The following CDH13 variants were observed in gnomAD, a reference collection of about 807,000 sequenced individuals.
CDH13 encodes the protein cadherin-13.
In CDH13, 24 loss-of-function variants were observed where a neutral mutation model predicts 63.8. The observed-to-expected ratio is 0.38, with a 90% confidence interval of 0.27 to 0.53. CDH13 has a LOEUF of 0.53. Among genes scored for constraint, CDH13 ranks in the 20% least tolerant of loss-of-function variants. The pLI is 0.85. For synonymous variants in CDH13, 503 were observed against 355.3 expected (o/e 1.42, Z -4.67); for missense variants, 1,049 against 903.1 (o/e 1.16, Z -2.07).
At chr16:83,542,108 C>G (rs927346399) in intron 7 of CDH13, among the ~76,000 whole-genome samples, 2 of 152,208 alleles carry the variant, frequency 1.3e-5, no homozygotes, top group African/African-American at 4.8e-5. Context: ...AGGCCTCATG[C>G]TAGTCTTATT....
At chr16:83,598,249 CA>C (rs969265275) in intron 7 of CDH13, among the ~76,000 whole-genome samples, 3 of 152,020 alleles carry the variant, frequency 2.0e-5, no homozygotes, top group African/African-American at 7.2e-5. Flanking sequence ...ATTATAGTCC[CA>C]GCTACTCAGG....
intron 3 of CDH13, among the ~76,000 whole-genome samples, chr16:83,104,510 A>G (rs192230327): frequency 6.6e-6 from 1 of 151,832 alleles, no homozygotes; most frequent in Non-Finnish European, 1.5e-5. Context: ...TTGTTTAAGT[A>G]GGTTAAGGCA....
chr16:83,478,836 G>GAAAA (rs374669824), intron 6 of CDH13, among the ~76,000 whole-genome samples: 1 of 112,316 alleles, frequency 8.9e-6, no homozygotes, highest in Non-Finnish European at 1.8e-5. Flanking sequence ...TTGAAGATGA[G>GAAAA]AAAAAAAAAA....
At chr16:83,453,954 C>T (rs929253186) in intron 6 of CDH13, among the ~76,000 whole-genome samples, 3 of 152,198 alleles carry the variant, frequency 2.0e-5, no homozygotes, top group African/African-American at 7.2e-5. Flanking sequence ...CCTTCCCAAG[C>T]AGGGTGTGCA....
At chr16:82,885,439 C>G (rs1567629707) in intron 2 of CDH13, among the ~76,000 whole-genome samples, 1 of 92,682 alleles carries the variant, frequency 1.1e-5, no homozygotes, top group Non-Finnish European at 2.1e-5. Flanking sequence ...TCCCACCCCC[C>G]CACCCACTCA....
At chr16:83,543,595 G>A (rs977728006) in intron 7 of CDH13, among the ~76,000 whole-genome samples, 22 of 152,180 alleles carry the variant, frequency 1.4e-4, no homozygotes, top group Non-Finnish European at 2.5e-4. Flanking sequence ...ATATATCACT[G>A]TTAATTTTCA....
At position 83,567,745 on chromosome 16, in the gene CDH13, G is replaced by A. The variant is rs549181934; in HGVS notation, c.961-34709G>A. Among the ~76,000 whole-genome samples, 56 of 152,136 alleles carry A rather than the reference G, an allele frequency of 3.7e-4. No homozygotes were observed. In the South Asian group the frequency reaches 6.4e-3, roughly 17 times the overall value. ...TGAATAGCTGGCACTACAGGCGCCC[G>A]CCACCACGCCCGGCTAATTTTTTGT... is the stretch of plus-strand genomic sequence containing the variant. On this transcript the variant is annotated intron_variant, in intron 7 of 13. Coordinates refer to ENST00000567109, the MANE Select transcript of CDH13 (RefSeq NM_001257.5).
chr16:83,350,255 G>A (rs12924773), intron 6 of CDH13, among the ~76,000 whole-genome samples: 62,919 of 152,108 alleles, frequency 0.41, 15,688 homozygotes, highest in East Asian at 0.76. Flanking sequence ...GGCAGCCAGG[G>A]CAGCTGGGAG....
intron 1 of CDH13, among the ~76,000 whole-genome samples, chr16:82,813,237 G>C (rs1311486395): frequency 6.6e-6 from 1 of 150,676 alleles, no homozygotes; most frequent in Non-Finnish European, 1.5e-5. Context: ...AAGGGCTCTG[G>C]ACAATAAAAA....
chr16:82,828,355 C>T (rs148971444), intron 1 of CDH13, among the ~76,000 whole-genome samples: 12 of 152,244 alleles, frequency 7.9e-5, no homozygotes, highest in Admixed American at 1.3e-4. Context: ...TGGTGGCTCA[C>T]GCCTGTAATC....
intron 1 of CDH13, among the ~76,000 whole-genome samples, chr16:82,775,371 T>G (rs982121499): frequency 6.6e-6 from 1 of 152,224 alleles, no homozygotes; most frequent in Non-Finnish European, 1.5e-5. Flanking sequence ...ACTTACCAGC[T>G]GTATGTATGA....
intron 6 of CDH13, among the ~76,000 whole-genome samples, chr16:83,380,626 C>A (rs923649316): frequency 6.6e-6 from 1 of 152,150 alleles, no homozygotes; most frequent in Non-Finnish European, 1.5e-5. Flanking sequence ...CCATTCTCAG[C>A]ACGTAGATTC....
At chr16:83,027,256 G>A (rs1215509245) in intron 2 of CDH13, among the ~76,000 whole-genome samples, 2 of 152,100 alleles carry the variant, frequency 1.3e-5, no homozygotes, top group African/African-American at 4.8e-5. Context: ...ATGAATGAAA[G>A]AACAAGACTC....
intron 1 of CDH13, among the ~76,000 whole-genome samples, chr16:82,761,691 A>G (rs2034863690): frequency 6.6e-6 from 1 of 152,184 alleles, no homozygotes; most frequent in African/African-American, 2.4e-5. Context: ...TATCTCAACA[A>G]CTTCCACTTG....
chr16:82,946,550 A>G (rs556547313), intron 2 of CDH13, among the ~76,000 whole-genome samples: 26 of 152,082 alleles, frequency 1.7e-4, no homozygotes, highest in African/African-American at 5.8e-4. Flanking sequence ...GCAAAACCTC[A>G]TCTCTACTAA....
intron 5 of CDH13, among the ~76,000 whole-genome samples, chr16:83,321,413 C>A (rs74034139): frequency 0.089 from 13,582 of 152,144 alleles, 715 homozygotes; most frequent in Non-Finnish European, 0.12. Context: ...GTTGGCGCGG[C>A]CTCTATGTTA....
At chr16:83,135,851 A>G (rs755238818) in intron 4 of CDH13, among the ~76,000 whole-genome samples, 4 of 152,234 alleles carry the variant, frequency 2.6e-5, no homozygotes, top group Non-Finnish European at 4.4e-5. Flanking sequence ...ATCCAAAGGA[A>G]TGAATTAATG....
In CDH13 at chr16:83,032,223, C is replaced by T. The variant is rs778389493; in HGVS notation, c.366+5C>T. 4 of 1,611,074 alleles carry T rather than the reference C, an allele frequency of 2.5e-6. No homozygotes were observed. Among genetic ancestry groups the T allele is most frequent in the Non-Finnish European group, 3.4e-6 (4 of 1,177,654 alleles). On this transcript the variant is annotated splice_donor_5th_base_variant and intron_variant, in intron 3 of 13. Coordinates refer to ENST00000567109, the MANE Select transcript of CDH13 (RefSeq NM_001257.5). The stretch of plus-strand genomic sequence containing the variant: ...GACATCCAGGGCTCCTTGCAGGTAA[C>T]ACATCTGTTTGAGATAACTTGGGTT...
At chr16:83,289,322 G>A (rs1272910804) in intron 5 of CDH13, among the ~76,000 whole-genome samples, 5 of 152,168 alleles carry the variant, frequency 3.3e-5, no homozygotes, top group African/African-American at 1.2e-4. Flanking sequence ...TTGGTATCTG[G>A]TGACAGCTTC....
Sources: gnomAD v4.1 joint callset for allele counts (sites outside exome capture counted in the v4.1 genomes callset) on GRCh38, gnomAD v4.1.1 for gene constraint, MANE v1.5 for transcripts, NCBI Gene and HGNC (gene_info 2026-07-23, HGNC 2026-07-21) for gene names.